The following SEC11C variants were observed in gnomAD, a reference collection of about 807,000 sequenced individuals.
SEC11C encodes the protein SEC11 homolog C, signal peptidase complex subunit, also known as signal peptidase complex catalytic subunit SEC11C.
A neutral mutation model predicts 21.9 loss-of-function variants in SEC11C; 10 were observed. The observed-to-expected ratio is 0.46, with a 90% confidence interval of 0.28 to 0.77. The LOEUF (loss-of-function observed/expected upper bound fraction) is 0.77. Among genes scored for constraint, SEC11C ranks in the 30% least tolerant of loss-of-function variants. The pLI is 0.12. For missense variants in SEC11C, 145 were observed against 244.5 expected, an observed-to-expected ratio of 0.59 and a Z score of 2.71; for synonymous variants, 83 against 85.6, an observed-to-expected ratio of 0.97 and a Z score of 0.17.
chr18:59,158,535 C>T, intron 5 of SEC11C, 97 bp from the exon 6 acceptor site: 2 of 923,484 alleles, frequency 2.2e-6, no homozygotes, highest in African/African-American at 1.6e-5. Context: ...TTGATTCTGT[C>T]CTCAGCGCAG....
At chr18:59,140,057 C>G (rs2069191044) in intron 1 of SEC11C, 22 bp downstream of exon 1, 8 of 1,555,404 alleles carry the variant, frequency 5.1e-6, no homozygotes, top group Admixed American at 1.8e-5. Context: ...GGGTGGTGAG[C>G]GCGCCGTGGC....
intron 4 of SEC11C, 33 bp downstream of exon 4, chr18:59,155,840 T>A (rs1287153903): frequency 6.2e-7 from 1 of 1,605,780 alleles, no homozygotes; most frequent in South Asian, 1.1e-5. Context: ...TATAGAAGGT[T>A]ATGAAAAACA....
chr18:59,140,489 A>G (rs1309670021), intron 1 of SEC11C, among the ~76,000 whole-genome samples: 4 of 152,262 alleles, frequency 2.6e-5, no homozygotes, highest in African/African-American at 7.2e-5. Flanking sequence ...GGAGCTGTCC[A>G]GCGATGCCTC....
chr18:59,151,239 C>T (rs2069348937), intron 2 of SEC11C, among the ~76,000 whole-genome samples: 1 of 152,106 alleles, frequency 6.6e-6, no homozygotes. Context: ...TTTCTATCAA[C>T]ATCTTCCCAC....
intron 2 of SEC11C, among the ~76,000 whole-genome samples, chr18:59,151,249 C>T (rs2069349080): frequency 6.6e-6 from 1 of 152,026 alleles, no homozygotes. Context: ...CATCTTCCCA[C>T]TGTATCTTCA....
At chr18:59,145,909 T>C (rs1049054665) in intron 1 of SEC11C, among the ~76,000 whole-genome samples, 1 of 152,248 alleles carries the variant, frequency 6.6e-6, no homozygotes, top group African/African-American at 2.4e-5. Context: ...CTAGGAGCAA[T>C]AGGCTACATC....
At chr18:59,142,506 A>G (rs891196238) in intron 1 of SEC11C, among the ~76,000 whole-genome samples, 2 of 152,202 alleles carry the variant, frequency 1.3e-5, no homozygotes, top group Non-Finnish European at 2.9e-5. Context: ...CAAATCCTTT[A>G]AGTCAGGCAG....
intron 1 of SEC11C, among the ~76,000 whole-genome samples, chr18:59,149,142 A>G (rs17779029): frequency 0.023 from 3,433 of 152,150 alleles, 221 homozygotes; most frequent in East Asian, 0.21. Flanking sequence ...TGTGCTCCCC[A>G]TGCTGCGCTG....
In SEC11C at chr18:59,152,673, A is replaced by G. The variant is rs1199457429; in HGVS notation, c.335A>G (p.Lys112Arg). 4 of 1,595,102 alleles carry G rather than the reference A, an allele frequency of 2.5e-6. No individual in the cohort carries two copies. The highest frequency in any genetic ancestry group is 2.2e-5 in the East Asian group (1 of 44,594). Residue 112 changes from lysine (K) to arginine (R), a missense_variant, in exon 3 of 6, where the codon AAA becomes AGA. By Grantham distance (26) the Lys-to-Arg change is conservative. Transcript: ENST00000587834. ...RDIPIVHRVI[K>R]VHEKDNGDIK... is the part of the protein sequence containing the mutation. ...ATTCCAATAGTTCACAGAGTAATCA[A>G]AGTTCATGAAAAGTAAAGAGGCTTT...
intron 1 of SEC11C, among the ~76,000 whole-genome samples, chr18:59,143,712 T>C (rs1033783953): frequency 1.3e-5 from 2 of 152,174 alleles, no homozygotes; most frequent in Admixed American, 1.3e-4. Flanking sequence ...TACTGCAGCT[T>C]ACATTTTTCA....
At chr18:59,149,376 A>G in intron 1 of SEC11C, 137 bp from the exon 2 acceptor site, 1 of 545,474 alleles carries the variant, frequency 1.8e-6, no homozygotes, top group Middle Eastern at 2.8e-4. Context: ...GAAATACTGC[A>G]GAATTTTGTA....
At chr18:59,141,651 A>G (rs184384414) in intron 1 of SEC11C, among the ~76,000 whole-genome samples, 8 of 150,456 alleles carry the variant, frequency 5.3e-5, no homozygotes, top group Non-Finnish European at 1.5e-5. Context: ...GGTACTTTTT[A>G]AAAAAGCTTT....
At chr18:59,146,125 A>G (rs1221733987) in intron 1 of SEC11C, among the ~76,000 whole-genome samples, 1 of 152,182 alleles carries the variant, frequency 6.6e-6, no homozygotes, top group Non-Finnish European at 1.5e-5. Flanking sequence ...GAGGCTTCAC[A>G]GCAGCCTGAT....
intron 5 of SEC11C, among the ~76,000 whole-genome samples, chr18:59,158,279 C>T (rs1405927041): frequency 6.6e-6 from 1 of 152,206 alleles, no homozygotes; most frequent in Non-Finnish European, 1.5e-5. Context: ...TGGTCTCGAA[C>T]TCCTGACCTC....
At chr18:59,142,655 C>T (rs576120900) in intron 1 of SEC11C, among the ~76,000 whole-genome samples, 14 of 152,332 alleles carry the variant, frequency 9.2e-5, no homozygotes, top group African/African-American at 1.2e-4. Context: ...TGAATGAAGA[C>T]ATGAATGTTT....
At chr18:59,141,730 T>C (rs1045262611) in intron 1 of SEC11C, among the ~76,000 whole-genome samples, 1 of 151,792 alleles carries the variant, frequency 6.6e-6, no homozygotes, top group African/African-American at 2.4e-5. Context: ...GCCTGCATGC[T>C]CCACCAGTCT....
Position 59,145,012 on chromosome 18 carries a change from G to A in SEC11C, c.88-4501G>A, listed in dbSNP as rs567620818. On this transcript the variant is annotated intron_variant, in intron 1 of 5. Transcript: ENST00000587834. ...TGCCAAACCCATGTTGAATCTTGAG[G>A]ATACAGCTATGAGCAAGGCTGAAAT... Among the ~76,000 whole-genome samples the A allele has an allele frequency of 2.0e-5, 3 of 152,246 alleles. No individual in the cohort carries two copies. In the South Asian group the frequency reaches 6.2e-4, roughly 32 times the overall value.
At chr18:59,143,800 A>T in intron 1 of SEC11C, among the ~76,000 whole-genome samples, 1 of 148,838 alleles carries the variant, frequency 6.7e-6, no homozygotes, top group African/African-American at 2.5e-5. Flanking sequence ...TTTCTCCTCC[A>T]CTCCCATTAA....
intron 4 of SEC11C, 32 bp downstream of exon 4, chr18:59,155,839 T>A (rs4940848): frequency 0.14 from 219,711 of 1,605,168 alleles, 21,182 homozygotes; most frequent in East Asian, 0.59. Flanking sequence ...ATATAGAAGG[T>A]TATGAAAAAC....
Sources: gnomAD v4.1 joint callset for allele counts (sites outside exome capture counted in the v4.1 genomes callset) on GRCh38, gnomAD v4.1.1 for gene constraint, MANE v1.5 for transcripts, NCBI Gene and HGNC (gene_info 2026-07-23, HGNC 2026-07-21) for gene names.